PRKD3: variants seen among roughly 807,000 people sequenced by gnomAD.
PRKD3 encodes protein kinase D3, also known as serine/threonine-protein kinase D3.
PRKD3 carries 47 observed loss-of-function variants against 99.2 expected under a neutral mutation model. That is an observed-to-expected ratio of 0.47 (90% CI 0.38 to 0.60). The LOEUF (loss-of-function observed/expected upper bound fraction) is 0.60. PRKD3 is among the 20% of genes least tolerant of loss of function. PRKD3 has a pLI of 0.00. For synonymous variants in PRKD3, 392 were observed against 355.4 expected (o/e 1.10, Z -1.16); for missense variants, 1,019 against 1,088.4 (o/e 0.94, Z 0.90).
intron 13 of PRKD3, chr2:37,267,909 CACAG>C (rs1470909942): frequency 5.7e-6 from 1 of 173,984 alleles, no homozygotes. Context: ...AATGAGTCAG[CACAG>C]AGTGATTTAA....
At chr2:37,311,583 C>G (rs1249207910) in intron 2 of PRKD3, among the ~76,000 whole-genome samples, 1 of 152,140 alleles carries the variant, frequency 6.6e-6, no homozygotes, top group Non-Finnish European at 1.5e-5. Context: ...GAAAATCTAC[C>G]TAGAATTTGC....
chr2:37,264,751 A>G (rs1668717812), intron 14 of PRKD3, among the ~76,000 whole-genome samples: 1 of 152,202 alleles, frequency 6.6e-6, no homozygotes, highest in African/African-American at 2.4e-5. Flanking sequence ...GGGGGGAAAA[A>G]AAAAGACTCA....
At chr2:37,262,169 A>G (rs1221506468) in intron 14 of PRKD3, among the ~76,000 whole-genome samples, 1 of 152,096 alleles carries the variant, frequency 6.6e-6, no homozygotes. Flanking sequence ...TTTTTCCTTA[A>G]TATGGCTAGC....
intron 16 of PRKD3, 107 bp from the exon 17 acceptor site, chr2:37,257,036 T>G: frequency 2.3e-5 from 28 of 1,211,094 alleles, no homozygotes; most frequent in South Asian, 2.8e-5. Context: ...TTGCCAGCTC[T>G]ACTGATTATG....
At chr2:37,291,778 C>T (rs1309716686) in intron 3 of PRKD3, among the ~76,000 whole-genome samples, 1 of 152,178 alleles carries the variant, frequency 6.6e-6, no homozygotes, top group African/African-American at 2.4e-5. Context: ...CAAGAAAAGG[C>T]TCAAAGGTGA....
chr2:37,269,493 G>C (rs1163211516), intron 13 of PRKD3, 122 bp downstream of exon 13: 2 of 771,238 alleles, frequency 2.6e-6, no homozygotes, highest in East Asian at 5.2e-5. Flanking sequence ...AAGATAACAA[G>C]TCAGCCTTTA....
intron 18 of PRKD3, 118 bp downstream of exon 18, chr2:37,254,086 A>T: frequency 1.4e-6 from 1 of 719,296 alleles, no homozygotes; most frequent in Non-Finnish European, 2.4e-6. Flanking sequence ...AGTACAAATT[A>T]ATCACTTAAG....
At position 37,316,711 on chromosome 2, in the gene PRKD3, G is replaced by C; in HGVS notation, c.-187C>G. On this transcript the variant is annotated 5_prime_UTR_variant, in exon 2 of 19. Transcript: ENST00000234179. Reference sequence around the variant, plus strand: ...TTATCAAGGAGTTGAATGCCCCAAAGGTCCTATTTCTCTTAATATCAGTCC... The same window carrying C: ...TTATCAAGGAGTTGAATGCCCCAAACGTCCTATTTCTCTTAATATCAGTCC... The C allele has an allele frequency of 7.0e-7, 1 of 1,421,364 alleles. No homozygotes were observed. Among genetic ancestry groups the C allele is most frequent in the Non-Finnish European group, 9.1e-7 (1 of 1,094,616 alleles). The allele number at this position is 1,421,364 out of a possible 1,614,324, so 88.0% of individuals were successfully genotyped here.
At chr2:37,296,516 A>C (rs937678883) in intron 2 of PRKD3, among the ~76,000 whole-genome samples, 1 of 152,180 alleles carries the variant, frequency 6.6e-6, no homozygotes, top group Non-Finnish European at 1.5e-5. Context: ...ATAAAGGAAA[A>C]AAAAAATGTA....
intron 5 of PRKD3, among the ~76,000 whole-genome samples, chr2:37,289,112 G>A (rs1012410519): frequency 2.0e-5 from 3 of 150,980 alleles, no homozygotes; most frequent in Admixed American, 6.6e-5. Flanking sequence ...ATGGAGACCA[G>A]GAGCCAGGAT....
Position 37,316,538 on chromosome 2 carries a change from A to T in PRKD3, c.-14T>A, listed in dbSNP as rs774715240. 4.4e-6 allele frequency: 7 copies of T among 1,600,848 alleles called. No individual in the cohort carries two copies. In the Admixed American group the frequency reaches 1.2e-4, roughly 28 times the overall value. On this transcript the variant is annotated 5_prime_UTR_variant, in exon 2 of 19. Transcript: ENST00000234179. Reference sequence around the variant, plus strand: ...ATTTGCAGACATCTGCCTTTCTTTAATCTTTTAAAATAGTTGTCGATTCTT... The same window carrying T: ...ATTTGCAGACATCTGCCTTTCTTTATTCTTTTAAAATAGTTGTCGATTCTT...
At chr2:37,300,386 T>TG (rs557333893) in intron 2 of PRKD3, among the ~76,000 whole-genome samples, 26 of 151,556 alleles carry the variant, frequency 1.7e-4, no homozygotes, top group African/African-American at 5.8e-4. Context: ...GGGTAGTGGG[T>TG]GGGGGGAATA....
intron 2 of PRKD3, among the ~76,000 whole-genome samples, chr2:37,293,875 T>C (rs898781167): frequency 2.0e-5 from 3 of 152,172 alleles, no homozygotes; most frequent in African/African-American, 7.2e-5. Flanking sequence ...AATAACTTTA[T>C]CTAGTTGATT....
At chr2:37,317,767 A>G (rs578133051) in intron 1 of PRKD3, 12 of 152,270 alleles carry the variant, frequency 7.9e-5, no homozygotes, top group East Asian at 1.9e-4. Context: ...TCACAGGAAC[A>G]TAAGAGAAAG....
chr2:37,260,443 T>A, intron 14 of PRKD3, 59 bp from the exon 15 acceptor site: 3 of 1,440,658 alleles, frequency 2.1e-6, no homozygotes, highest in Non-Finnish European at 1.9e-6. Context: ...TTTACTAATA[T>A]CTAGATGTGC....
intron 17 of PRKD3, among the ~76,000 whole-genome samples, 183 bp downstream of exon 17, chr2:37,256,479 C>A (rs1428456064): frequency 6.6e-6 from 1 of 151,922 alleles, no homozygotes; most frequent in African/African-American, 2.4e-5. Flanking sequence ...ACAGAAGACA[C>A]AGATAAAAGT....
Position 37,275,853 on chromosome 2 carries a change from T to G in PRKD3, c.1297-9A>C. The G allele has an allele frequency of 1.2e-6, 2 of 1,603,490 alleles. No individual in the cohort carries two copies. The highest frequency in any genetic ancestry group is 3.4e-5 in the Admixed American group (2 of 58,274). ...CAATAATGCCTCTTTCTCTATAAAA[T>G]GAAGATTGGAAAACTGTGAGGTTCA... On this transcript the variant is annotated splice_polypyrimidine_tract_variant and intron_variant, in intron 9 of 18. Coordinates refer to ENST00000234179, the MANE Select transcript of PRKD3 (RefSeq NM_005813.6).
In PRKD3 at chr2:37,267,361, A is replaced by AG. The variant is rs200531386; in HGVS notation, c.1884+68_1884+69insC. On this transcript the variant is annotated intron_variant, in intron 14 of 18. Coordinates refer to ENST00000234179, the MANE Select transcript of PRKD3 (RefSeq NM_005813.6). Reference sequence around the variant, plus strand: ...TTTGCCTTCTTAAAAAAAAAAAAAAAAGAGAAGCAGTTAATTCAGATTCTT... The same window carrying AG: ...TTTGCCTTCTTAAAAAAAAAAAAAAAGAGAGAAGCAGTTAATTCAGATTCTT... 6.8e-4 allele frequency: 748 copies of AG among 1,104,832 alleles called. 3 individuals are homozygous for AG. In the African/African-American group the frequency reaches 0.011, roughly 16 times the overall value. The allele number at this position is 1,104,832 out of a possible 1,614,324, so 68.4% of individuals were successfully genotyped here. A position where few individuals can be genotyped will look rare whatever the true frequency, so the allele number is the denominator to read the frequency against.
chr2:37,293,636 A>C (rs912537285), intron 2 of PRKD3, among the ~76,000 whole-genome samples: 1 of 152,220 alleles, frequency 6.6e-6, no homozygotes, highest in Non-Finnish European at 1.5e-5. Flanking sequence ...ATGCTGCTCT[A>C]AATATTTCAA....
Sources: allele counts gnomAD v4.1 joint callset (sites outside exome capture counted in the v4.1 genomes callset), GRCh38; gene constraint gnomAD v4.1.1; transcripts MANE v1.5; gene names NCBI Gene and HGNC (gene_info 2026-07-23, HGNC 2026-07-21).